HEMGN: variants seen among roughly 807,000 people sequenced by gnomAD.
The protein encoded by HEMGN is hemogen.
A neutral mutation model predicts 45.7 loss-of-function variants in HEMGN; 32 were observed. The observed-to-expected ratio is 0.70, with a 90% CI of 0.53 to 0.94. HEMGN has a LOEUF of 0.94. HEMGN is among the 40% of genes least tolerant of loss of function. The pLI is 0.00. For missense variants in HEMGN, 530 were observed against 564.2 expected (o/e 0.94, Z 0.61); for synonymous variants, 183 against 178.6 (o/e 1.02, Z -0.20).
rs769910210 is a variant in HEMGN, at chr9:97,930,038, G to T, written c.1357C>A (p.Gln453Lys). Residue 453 changes from glutamine to lysine, a missense_variant, in exon 3 of 4, where the codon CAA (glutamine) becomes AAA (lysine). Gln to Lys is a moderately conservative substitution (Grantham distance 53). Coordinates refer to ENST00000616898, the MANE Select transcript of HEMGN (RefSeq NM_197978.3). ...EDAKDAYTFP[Q>K]EMKEKPKEEP... ...TGGTGCTATAAACAGCCCTTACCTT[G>T]AGGAAAAGTATAAGCATCTTTAGCA... is the stretch of plus-strand genomic sequence containing the variant. 3.7e-6 allele frequency: 6 copies of T among 1,612,030 alleles called. No individual in the cohort carries two copies. Among genetic ancestry groups the T allele is most frequent in the Non-Finnish European group, 4.2e-6 (5 of 1,178,998 alleles).
chr9:97,934,370 A>G (rs1019599122), intron 2 of HEMGN, among the ~76,000 whole-genome samples: 1 of 144,542 alleles, frequency 6.9e-6, no homozygotes, highest in Non-Finnish European at 1.5e-5. Context: ...GAATGAATGA[A>G]TGAGAGAAAG....
intron 2 of HEMGN, 62 bp from the exon 3 acceptor site, chr9:97,931,283 A>G: frequency 1.5e-6 from 2 of 1,301,548 alleles, no homozygotes; most frequent in Non-Finnish European, 2.1e-6. Flanking sequence ...AATGCTTGTA[A>G]TAACAGTGCC....
chr9:97,935,644 T>C (rs1827043970), intron 2 of HEMGN, among the ~76,000 whole-genome samples: 1 of 152,206 alleles, frequency 6.6e-6, no homozygotes, highest in Admixed American at 6.5e-5. Flanking sequence ...GTCGCCTAAT[T>C]TACAGTCATG....
chr9:97,927,550 A>G lies in HEMGN; in HGVS notation c.1361-72T>C. ...GGACAATTGACTCTCCATTTGGAGG[A>G]AGAAAAACTGCTTTACAACATACAC... is the stretch of plus-strand genomic sequence containing the variant. On this transcript the variant is annotated intron_variant, in intron 3 of 3. Coordinates refer to ENST00000616898, the MANE Select transcript of HEMGN (RefSeq NM_197978.3). 3 of 969,458 alleles carry G rather than the reference A, an allele frequency of 3.1e-6. No individual in the cohort carries two copies. The South Asian group carries it at 4.2e-5, about 14-fold the overall frequency. The allele number at this position is 969,458 out of a possible 1,614,324, so 60.1% of individuals were successfully genotyped here. A position where few individuals can be genotyped will look rare whatever the true frequency, so the allele number is the denominator to read the frequency against.
At chr9:97,938,774 G>T (rs908207425), upstream of HEMGN, among the ~76,000 whole-genome samples, 3 of 152,124 alleles carry the variant, frequency 2.0e-5, no homozygotes, top group Non-Finnish European at 4.4e-5. Flanking sequence ...TGTGTATGCT[G>T]TTAGACTTAG....
chr9:97,939,636 T>A (rs1379294536), upstream of HEMGN, among the ~76,000 whole-genome samples: 1 of 152,220 alleles, frequency 6.6e-6, no homozygotes, highest in Admixed American at 6.5e-5. Context: ...TGGGTCATCA[T>A]TTTGTGTGCT....
Position 97,927,620 on chromosome 9 carries a change from T to C in HEMGN, c.1361-142A>G. 7 of 567,610 alleles carry C rather than the reference T, an allele frequency of 1.2e-5. 1 individual carries two copies. The highest frequency in any genetic ancestry group is 1.2e-5 in the Non-Finnish European group (4 of 321,758). 35.2% of individuals were successfully genotyped at this position (567,610 alleles called of 1,614,324 possible). On this transcript the variant is annotated intron_variant, in intron 3 of 3. Transcript: ENST00000616898. ...GGTAAATTTTTAAATACCATAAAGT[T>C]ATAGAAATAATAGTGTTTTTAGTAA...
At chr9:97,939,660 G>A (rs891864672), upstream of HEMGN, among the ~76,000 whole-genome samples, 4 of 152,138 alleles carry the variant, frequency 2.6e-5, no homozygotes, top group African/African-American at 9.7e-5. Flanking sequence ...TCTTTCCTGG[G>A]TATAAAAATG....
Position 97,930,454 on chromosome 9 carries a change from G to T in HEMGN, c.941C>A (p.Thr314Lys). ...TTTAGGTTCAGCTGATTCTTGGTGT[G>T]TTTTTGTAGAAAGGTCTTTAGGCTC... ...IAEPKDLSTK[T>K]HQESAEPKYL... is the part of the protein sequence containing the mutation. The change falls in exon 3 of 4, where the codon ACA becomes AAA. Residue 314 changes from threonine to lysine, a missense_variant. By Grantham distance (78) the Thr-to-Lys change is moderately conservative. Coordinates refer to ENST00000616898, the MANE Select transcript of HEMGN (RefSeq NM_197978.3). 1 of 1,614,132 alleles carries T rather than the reference G, an allele frequency of 6.2e-7. No individual in the cohort carries two copies. The highest frequency in any genetic ancestry group is 1.1e-5 in the South Asian group (1 of 91,074).
intron 2 of HEMGN, among the ~76,000 whole-genome samples, chr9:97,931,996 G>A (rs1564121649): frequency 2.0e-5 from 3 of 152,118 alleles, no homozygotes; most frequent in Non-Finnish European, 4.4e-5. Flanking sequence ...CTGGGGGCTG[G>A]GGGCTGGGGG....
intron 3 of HEMGN, among the ~76,000 whole-genome samples, chr9:97,929,205 T>C (rs1252845283): frequency 6.6e-6 from 1 of 152,254 alleles, no homozygotes; most frequent in Non-Finnish European, 1.5e-5. Flanking sequence ...TCAGTGCACG[T>C]ACTGCTTCAC....
upstream of HEMGN, among the ~76,000 whole-genome samples, chr9:97,942,358 C>T (rs897640880): frequency 8.7e-5 from 13 of 149,930 alleles, no homozygotes; most frequent in South Asian, 2.1e-4. Flanking sequence ...TCACAGTTCA[C>T]TGCAGCCTCT....
chr9:97,927,307 A>T lies in HEMGN; in HGVS notation c.*77T>A, dbSNP rs1826845271. On this transcript the variant is annotated 3_prime_UTR_variant, in exon 4 of 4. Transcript: ENST00000616898. ...ATTAATGAGCATTGTCAAAAGTTTTACAATATTTTGAGAAAATCACGCATA... is the reference window on the plus strand; with the variant it reads ...ATTAATGAGCATTGTCAAAAGTTTTTCAATATTTTGAGAAAATCACGCATA... The T allele has an allele frequency of 1.3e-6, 1 of 795,282 alleles. No individual in the cohort carries two copies. Among genetic ancestry groups the T allele is most frequent in the African/African-American group, 1.7e-5 (1 of 57,380 alleles). 49.3% of individuals were successfully genotyped at this position (795,282 alleles called of 1,614,324 possible). A position where few individuals can be genotyped will look rare whatever the true frequency, so the allele number is the denominator to read the frequency against.
intron 2 of HEMGN, among the ~76,000 whole-genome samples, chr9:97,935,227 C>T (rs1827037146): frequency 6.6e-6 from 1 of 152,170 alleles, no homozygotes; most frequent in Non-Finnish European, 1.5e-5. Flanking sequence ...TCTGTTGTAG[C>T]AGAACAGACA....
chr9:97,930,519 A>G lies in HEMGN; in HGVS notation c.876T>C (p.Ala292=). 1 of 1,614,074 alleles carries G rather than the reference A, an allele frequency of 6.2e-7. No individual in the cohort carries two copies. Among genetic ancestry groups the G allele is most frequent in the South Asian group, 1.1e-5 (1 of 91,078 alleles). ...EEYNETDQGI[A]ETEGLFPKIQ... ...TTTTAGGAAAAAGGCCTTCTGTCTC[A>G]GCTATTCCTTGATCTGTTTCATTGT... Residue 292 remains alanine, a synonymous_variant, in exon 3 of 4, where the codon GCT becomes GCC. Transcript: ENST00000616898.
intron 3 of HEMGN, 50 bp from the exon 4 acceptor site, chr9:97,927,528 CAA>C (rs1292569039): frequency 8.2e-7 from 1 of 1,215,052 alleles, no homozygotes; most frequent in Admixed American, 1.7e-5. Context: ...TGTATTGGGA[CAA>C]TTGACTCTCC....
chr9:97,942,267 ATTCC>A (rs1827163663), upstream of HEMGN, among the ~76,000 whole-genome samples: 1 of 146,496 alleles, frequency 6.8e-6, no homozygotes, highest in Non-Finnish European at 1.5e-5. Flanking sequence ...ATTCCCTCTA[ATTCC>A]TTCTTTTTTT....
In HEMGN at chr9:97,930,768, A is replaced by G. The variant is rs1476967212; in HGVS notation, c.627T>C (p.Ser209=). 2 of 1,614,058 alleles carry G rather than the reference A, an allele frequency of 1.2e-6. No homozygotes were observed. Among genetic ancestry groups the G allele is most frequent in the African/African-American group, 2.7e-5 (2 of 74,942 alleles). The part of the protein sequence containing the change: ...DNSPNTCQVI[S]VIQDHPFKMY... ...TTTTGAAAGGATGGTCTTGAATTAC[A>G]GATATTACTTGGCATGTGTTAGGAG... The change falls in exon 3 of 4, where the codon TCT becomes TCC. Residue 209 remains serine (S), a synonymous_variant. Transcript: ENST00000616898.
chr9:97,943,032 T>A (rs2131560202), upstream of HEMGN, among the ~76,000 whole-genome samples: 1 of 152,326 alleles, frequency 6.6e-6, no homozygotes, highest in South Asian at 2.1e-4. Context: ...CAGGGCTCTA[T>A]CATTTTCCTG....
Sources: allele counts gnomAD v4.1 joint callset (sites outside exome capture counted in the v4.1 genomes callset), GRCh38; gene constraint gnomAD v4.1.1; transcripts MANE v1.5; gene names NCBI Gene and HGNC (gene_info 2026-07-23, HGNC 2026-07-21).